MAPKAP1: variants seen among roughly 807,000 people sequenced by gnomAD.
MAPKAP1 encodes the protein MAPK associated protein 1.
A neutral mutation model predicts 65.7 loss-of-function variants in MAPKAP1; 20 were observed. The observed-to-expected ratio is 0.30, with a 90% CI of 0.21 to 0.44. MAPKAP1 has a LOEUF of 0.44. Ranked by LOEUF, MAPKAP1 falls within the 20% of genes least tolerant of loss-of-function variation. The probability of loss-of-function intolerance (pLI) is 1.00; values close to 1 mark genes in which losing one functional copy is unlikely to be tolerated. For missense variants in MAPKAP1, 423 were observed against 648.0 expected, an observed-to-expected ratio of 0.65 and a Z score of 3.77; for synonymous variants, 222 against 244.3, an observed-to-expected ratio of 0.91 and a Z score of 0.85.
intron 1 of MAPKAP1, among the ~76,000 whole-genome samples, chr9:125,703,025 T>TTAAA (rs947386524): frequency 6.6e-6 from 1 of 152,020 alleles, no homozygotes; most frequent in African/African-American, 2.4e-5. Flanking sequence ...TCTCTAAAAG[T>TTAAA]TAAATAAATA....
chr9:125,486,588 G>A (rs914507377), intron 8 of MAPKAP1, among the ~76,000 whole-genome samples: 1 of 152,220 alleles, frequency 6.6e-6, no homozygotes, highest in Non-Finnish European at 1.5e-5. Flanking sequence ...CAAAGTTGGT[G>A]TCTGATGCTT....
chr9:125,512,748 AT>A (rs1009225124), intron 7 of MAPKAP1, among the ~76,000 whole-genome samples: 1 of 151,594 alleles, frequency 6.6e-6, no homozygotes, highest in Non-Finnish European at 1.5e-5. Flanking sequence ...TGCCCGGCTA[AT>A]TTTTTTGTAT....
chr9:125,552,192 A>T (rs1830603404), intron 6 of MAPKAP1, among the ~76,000 whole-genome samples: 1 of 152,232 alleles, frequency 6.6e-6, no homozygotes, highest in Non-Finnish European at 1.5e-5. Context: ...AATCCACTTG[A>T]AGATTTGTTA....
At chr9:125,685,404 A>G (rs771437850) in intron 1 of MAPKAP1, among the ~76,000 whole-genome samples, 3 of 152,238 alleles carry the variant, frequency 2.0e-5, no homozygotes, top group Non-Finnish European at 2.9e-5. Context: ...CATGCCTCAC[A>G]CTGCTCAAGG....
At chr9:125,671,082 G>C (rs1834484374) in intron 2 of MAPKAP1, among the ~76,000 whole-genome samples, 1 of 152,118 alleles carries the variant, frequency 6.6e-6, no homozygotes, top group Non-Finnish European at 1.5e-5. Context: ...TAATCATAAA[G>C]CTCTCAATTT....
Position 125,530,035 on chromosome 9 carries a change from T to C in MAPKAP1, c.958+13024A>G, listed in dbSNP as rs139132385. 4.6e-3 allele frequency among the ~76,000 whole-genome samples: 697 copies of C among 152,342 alleles called. 2 individuals are homozygous for C. The highest frequency in any genetic ancestry group is 6.9e-3 in the Admixed American group (105 of 15,304). On this transcript the variant is annotated intron_variant, in intron 7 of 11. Coordinates refer to ENST00000265960, the MANE Select transcript of MAPKAP1 (RefSeq NM_001006617.3). Reference sequence around the variant, plus strand: ...CTATTGGAGTTGTTTAAAATGCCTTTTACATTGCTTATGGGAGTAAAACAG... The same window carrying C: ...CTATTGGAGTTGTTTAAAATGCCTTCTACATTGCTTATGGGAGTAAAACAG...
At chr9:125,573,017 C>T (rs993715810) in intron 5 of MAPKAP1, 2 of 148,252 alleles carry the variant, frequency 1.3e-5, no homozygotes, top group East Asian at 4.0e-4. Flanking sequence ...ATATCATAAT[C>T]GCTATTCAGC....
chr9:125,682,314 A>G (rs1834848159), intron 1 of MAPKAP1, among the ~76,000 whole-genome samples: 2 of 152,228 alleles, frequency 1.3e-5, no homozygotes, highest in Admixed American at 6.5e-5. Flanking sequence ...ATTTTACTCA[A>G]AAGATGTTTC....
At chr9:125,549,681 T>C (rs542474506) in intron 6 of MAPKAP1, among the ~76,000 whole-genome samples, 8 of 152,180 alleles carry the variant, frequency 5.3e-5, no homozygotes, top group Non-Finnish European at 1.5e-5. Flanking sequence ...TTGTGTATCT[T>C]TGCCAGAGTC....
At chr9:125,596,563 C>T in intron 4 of MAPKAP1, 2 of 693,938 alleles carry the variant, frequency 2.9e-6, no homozygotes, top group South Asian at 2.7e-5. Flanking sequence ...TCCCAAACCA[C>T]AAAACCGAGG....
intron 10 of MAPKAP1, among the ~76,000 whole-genome samples, chr9:125,450,424 A>G (rs1465230534): frequency 6.6e-6 from 1 of 152,214 alleles, no homozygotes; most frequent in Non-Finnish European, 1.5e-5. Context: ...ATCAGATTGT[A>G]TACTAGAAGT....
intron 4 of MAPKAP1, among the ~76,000 whole-genome samples, chr9:125,600,723 C>G (rs1419310479): frequency 6.6e-6 from 1 of 152,168 alleles, no homozygotes; most frequent in African/African-American, 2.4e-5. Flanking sequence ...AGCCTTGGGA[C>G]AGTTACAGCA....
At chr9:125,698,321 ATATATATATATATAT>A (rs1835487090) in intron 1 of MAPKAP1, among the ~76,000 whole-genome samples, 8 of 105,736 alleles carry the variant, frequency 7.6e-5, no homozygotes, top group African/African-American at 1.6e-4. Context: ...ATATATATAT[ATATATATATATATAT>A]AAAATATATA....
intron 3 of MAPKAP1, among the ~76,000 whole-genome samples, chr9:125,665,494 A>G (rs1031333673): frequency 6.6e-6 from 1 of 152,082 alleles, no homozygotes; most frequent in Admixed American, 6.6e-5. Context: ...CCCTGACCCC[A>G]AAACATTGCT....
At chr9:125,542,980 T>TCA (rs745332639) in intron 7 of MAPKAP1, 79 bp downstream of exon 7, 204 of 934,034 alleles carry the variant, frequency 2.2e-4, no homozygotes, top group Non-Finnish European at 2.8e-4. Flanking sequence ...TAGCCAGCCA[T>TCA]CACACACACA....
At chr9:125,541,957 C>T (rs539864386) in intron 7 of MAPKAP1, among the ~76,000 whole-genome samples, 9 of 152,294 alleles carry the variant, frequency 5.9e-5, no homozygotes, top group East Asian at 1.9e-4. Flanking sequence ...CACATCTGGA[C>T]GGAGCCGCCA....
intron 10 of MAPKAP1, among the ~76,000 whole-genome samples, chr9:125,466,822 T>C (rs191588221): frequency 1.0e-3 from 155 of 152,240 alleles, no homozygotes; most frequent in South Asian, 4.8e-3. Context: ...GCTGAACACA[T>C]AGTCCAGCAG....
rs953710277 is a variant in MAPKAP1 at position 125,439,723 on chromosome 9, G to A, written c.1444-711C>T. ...AAGCCCTGGGAGTCTGCCCGGAGTC[G>A]CATGTGCATCTTCCACTCTGTGTAG... is the stretch of plus-strand genomic sequence containing the variant. On this transcript the variant is annotated intron_variant, in intron 11 of 11. Coordinates refer to ENST00000265960, the MANE Select transcript of MAPKAP1 (RefSeq NM_001006617.3). This position sits in a 1 kb window ranked among gnomAD's most constrained non-coding sequence, Gnocchi z 4.0. Among the ~76,000 whole-genome samples, 2 of 152,058 alleles carry A rather than the reference G, an allele frequency of 1.3e-5. No individual in the cohort carries two copies. The highest frequency in any genetic ancestry group is 6.6e-5 in the Admixed American group (1 of 15,216).
At chr9:125,588,470 T>G (rs1353176404) in intron 4 of MAPKAP1, among the ~76,000 whole-genome samples, 1 of 152,208 alleles carries the variant, frequency 6.6e-6, no homozygotes, top group Non-Finnish European at 1.5e-5. Context: ...GCAGTAACAG[T>G]TCATAACATT....
Sources: gnomAD v4.1 joint callset for allele counts (sites outside exome capture counted in the v4.1 genomes callset) on GRCh38, gnomAD v4.1.1 for gene constraint, Gnocchi (gnomAD v3.1) non-coding constraint, MANE v1.5 for transcripts, NCBI Gene and HGNC (gene_info 2026-07-23, HGNC 2026-07-21) for gene names.